SZT2: variants seen among roughly 807,000 people sequenced by gnomAD.
SZT2 encodes the protein KICSTOR complex protein SZT2.
In SZT2, 216 loss-of-function variants were observed where a neutral mutation model predicts 404.2. That is an observed-to-expected ratio of 0.53 (90% CI 0.48 to 0.60). The LOEUF (loss-of-function observed/expected upper bound fraction) is 0.60, where lower values mean the gene tolerates loss of function less well. SZT2 is among the 20% of genes least tolerant of loss of function. The pLI is 0.00. For missense variants in SZT2, 3,857 were observed against 4,459.2 expected, an observed-to-expected ratio of 0.86 and a Z score of 3.85; for synonymous variants, 1,693 against 1,749.9, an observed-to-expected ratio of 0.97 and a Z score of 0.81.
rs764913401 is a variant in SZT2 at position 43,451,366 on chromosome 1, G to A, written c.*886G>A. 6.2e-7 allele frequency: 1 copy of A among 1,612,156 alleles called. No homozygotes were observed. The highest frequency in any genetic ancestry group is 8.5e-7 in the Non-Finnish European group (1 of 1,180,002). On this transcript the variant is annotated 3_prime_UTR_variant, in exon 72 of 72. Transcript: ENST00000634258. ...AGCCCACAAGGAGAAAACAGCCCCT[G>A]TCCGGGTCCCTCCAGAGCTCCCTTC...
In SZT2 at chr1:43,427,590, C is replaced by T; in HGVS notation, c.3659C>T (p.Ala1220Val). Reference protein sequence around the residue: ...PPFRRDLQAYAGRQASQTESA... With the variant: ...PPFRRDLQAYVGRQASQTESA... ...TTCCGTCGAGACTTACAGGCTTACG[C>T]TGGGCGTCAGGCTTCCCAGACAGAG... Residue 1220 changes from alanine (A) to valine (V), a missense_variant, in exon 26 of 72, where the codon GCT becomes GTT. By Grantham distance (64) the Ala-to-Val change is moderately conservative. This residue lies in a region of SZT2 where 1,725 missense variants were observed against 1,881.0 expected (regional missense o/e 0.92). Transcript: ENST00000634258. The T allele has an allele frequency of 6.2e-7, 1 of 1,614,278 alleles. No individual in the cohort carries two copies. The highest frequency in any genetic ancestry group is 8.5e-7 in the Non-Finnish European group (1 of 1,180,050).
Position 43,451,651 on chromosome 1 carries a change from C to T in SZT2, c.*1171C>T. The T allele has an allele frequency of 6.2e-7, 1 of 1,614,160 alleles. No individual in the cohort carries two copies. The highest frequency in any genetic ancestry group is 8.5e-7 in the Non-Finnish European group (1 of 1,180,018). On this transcript the variant is annotated 3_prime_UTR_variant, in exon 72 of 72. Transcript: ENST00000634258. ...GGGCAAAGGAAGGTCCTCTCACCAA[C>T]AATGGGCAGGAACTCCCGGATGTTT... is the stretch of plus-strand genomic sequence containing the variant.
At chr1:43,414,986 C>T (rs772464567) in intron 4 of SZT2, 96 bp from the exon 5 acceptor site, 59 of 1,454,630 alleles carry the variant, frequency 4.1e-5, no homozygotes, top group Non-Finnish European at 4.7e-5. Context: ...AAGTCAGGAT[C>T]GCCTAGATGG....
At chr1:43,406,986 CAT>C (rs1172559620) in intron 4 of SZT2, 2 of 152,236 alleles carry the variant, frequency 1.3e-5, no homozygotes, top group Non-Finnish European at 2.9e-5. Context: ...AACAGGATCA[CAT>C]GTCTACATTG....
At position 43,454,085 on chromosome 1, in the gene SZT2, C is replaced by T. The variant is rs1656771188; in HGVS notation, c.*3605C>T. Reference sequence around the variant, plus strand: ...AGGCCGAGCTCCAGGGCCTGAGAGCCGGACGCGAAGCAAGAGAGAGCTGGC... The same window carrying T: ...AGGCCGAGCTCCAGGGCCTGAGAGCTGGACGCGAAGCAAGAGAGAGCTGGC... On this transcript the variant is annotated 3_prime_UTR_variant, in exon 72 of 72. Coordinates refer to ENST00000634258, the MANE Select transcript of SZT2 (RefSeq NM_001365999.1). The T allele has an allele frequency of 4.5e-6, 5 of 1,105,114 alleles. No individual in the cohort carries two copies. The highest frequency in any genetic ancestry group is 4.5e-5 in the South Asian group (1 of 22,348). 68.5% of individuals were successfully genotyped at this position (1,105,114 alleles called of 1,614,324 possible).
chr1:43,432,836 A>T (rs577453279), intron 39 of SZT2, 37 bp downstream of exon 39: 1 of 1,611,016 alleles, frequency 6.2e-7, no homozygotes, highest in South Asian at 1.1e-5. Flanking sequence ...CTCTAAGCTG[A>T]TGGGAGGTGG....
At chr1:43,440,626 C>T (rs1203052099) in intron 52 of SZT2, 40 bp downstream of exon 52, 2 of 1,522,074 alleles carry the variant, frequency 1.3e-6, no homozygotes, top group Non-Finnish European at 1.8e-6. Context: ...TACCTTTCTG[C>T]CTGCCTCCTA....
intron 4 of SZT2, chr1:43,409,603 A>C (rs550801465): frequency 8.7e-6 from 2 of 230,338 alleles, no homozygotes; most frequent in Non-Finnish European, 1.8e-5. Flanking sequence ...ACAGAAAATC[A>C]GTAGCATTTC....
Position 43,426,388 on chromosome 1 carries a change from G to A in SZT2, c.3064G>A (p.Ala1022Thr), listed in dbSNP as rs1021025044. Residue 1022 changes from alanine (A) to threonine (T), a missense_variant, in exon 22 of 72, where the codon GCC becomes ACC. Ala to Thr is a moderately conservative substitution (Grantham distance 58, BLOSUM62 0). Transcript: ENST00000634258. The surrounding 1 kb of genome is among the most constrained non-coding windows in gnomAD (Gnocchi z 4.9). Reference sequence around the variant, plus strand: ...GGCAGAGCCAGAGGGTGTCCCTTTCGCCGAGGGGTCCTGTCCTGCCAACGA... The same window carrying A: ...GGCAGAGCCAGAGGGTGTCCCTTTCACCGAGGGGTCCTGTCCTGCCAACGA... ...LAREPEGVPF[A>T]EGSCPANDMV... 29 of 1,569,856 alleles carry A rather than the reference G, an allele frequency of 1.8e-5. No individual in the cohort carries two copies. Among genetic ancestry groups the A allele is most frequent in the South Asian group, 4.6e-5 (4 of 87,690 alleles).
In SZT2 at chr1:43,428,239, G is replaced by A; in HGVS notation, c.3920-1G>A. ...CTCATGGCCCCTTCCACTTCCATCA[G>A]GGCTATTCCGCAGCTTGCAGCAAGC... On this transcript the variant is annotated splice_acceptor_variant, in intron 27 of 71. Coordinates refer to ENST00000634258, the MANE Select transcript of SZT2 (RefSeq NM_001365999.1). LOFTEE classifies it high-confidence loss of function. 1 of 1,614,188 alleles carries A rather than the reference G, an allele frequency of 6.2e-7. No individual in the cohort carries two copies. The highest frequency in any genetic ancestry group is 8.5e-7 in the Non-Finnish European group (1 of 1,180,030).
Position 43,453,667 on chromosome 1 carries a change from C to A in SZT2, c.*3187C>A. 6.8e-7 allele frequency: 1 copy of A among 1,481,372 alleles called. No homozygotes were observed. The highest frequency in any genetic ancestry group is 1.3e-5 in the South Asian group (1 of 77,722). The allele number at this position is 1,481,372 out of a possible 1,614,324, so 91.8% of individuals were successfully genotyped here. A position where few individuals can be genotyped will look rare whatever the true frequency, so the allele number is the denominator to read the frequency against. ...GCGCGCGCCAGCGCCTCAGGCGTCT[C>A]CGCGTACGGCCAGGCCACCTCGACG... On this transcript the variant is annotated 3_prime_UTR_variant, in exon 72 of 72. Coordinates refer to ENST00000634258, the MANE Select transcript of SZT2 (RefSeq NM_001365999.1).
At chr1:43,404,575 G>C (rs1557514582) in intron 4 of SZT2, 25 bp downstream of exon 4, 1 of 1,601,462 alleles carries the variant, frequency 6.2e-7, no homozygotes, top group Non-Finnish European at 8.5e-7. Flanking sequence ...CTCCAAGTTT[G>C]TACCCTCAGA....
intron 40 of SZT2, among the ~76,000 whole-genome samples, chr1:43,433,655 G>T (rs142798180): frequency 0.021 from 3,207 of 152,238 alleles, 117 homozygotes; most frequent in African/African-American, 0.073. Context: ...GGTGGCAGGC[G>T]CCTGTAGTCC....
At position 43,395,040 on chromosome 1, in the gene SZT2, T is replaced by C. The variant is rs1486256954; in HGVS notation, c.27+5045T>C. Among the ~76,000 whole-genome samples the C allele has an allele frequency of 6.6e-5, 10 of 152,214 alleles. 1 individual carries two copies. Among genetic ancestry groups the C allele is most frequent in the Admixed American group, 6.5e-4 (10 of 15,280 alleles). The stretch of plus-strand genomic sequence containing the variant: ...AACTGATTGATGAGCTAGACTTCAT[T>C]GTGCCTTTGGAGAGTCAGTCCATCA... On this transcript the variant is annotated intron_variant, in intron 1 of 71. Transcript: ENST00000634258.
chr1:43,441,412 G>T lies in SZT2; in HGVS notation c.7511+32G>T. On this transcript the variant is annotated intron_variant, in intron 53 of 71. Coordinates refer to ENST00000634258, the MANE Select transcript of SZT2 (RefSeq NM_001365999.1). The surrounding 1 kb of genome is among the most constrained non-coding windows in gnomAD (Gnocchi z 4.8). ...GTGTGGTGGTGGTGTGCCCTGGGAGGGTATGGGTGTGAAGTCACAGATGGG... is the reference window on the plus strand; with the variant it reads ...GTGTGGTGGTGGTGTGCCCTGGGAGTGTATGGGTGTGAAGTCACAGATGGG... 6.2e-7 allele frequency: 1 copy of T among 1,612,440 alleles called. No homozygotes were observed. The highest frequency in any genetic ancestry group is 1.7e-5 in the Admixed American group (1 of 59,954).
rs753322092 is a variant in SZT2, at chr1:43,431,089, C to T, written c.4915C>T (p.Arg1639Trp). Residue 1639 changes from arginine (R) to tryptophan (W), a missense_variant and splice_region_variant, in exon 33 of 72, where the codon CGG becomes TGG. Physicochemically the swap from Arg to Trp is moderately radical, Grantham distance 101. Transcript: ENST00000634258. ...CACGGCCTCGGACCCTCAGCACCAC[C>T]GGTGTGGCAGCAAGTTTGGTGGGGG... ...LPTASDPQHH[R>W]STSESSASFP... The T allele has an allele frequency of 2.9e-5, 46 of 1,611,834 alleles. No homozygotes were observed. Among genetic ancestry groups the T allele is most frequent in the Non-Finnish European group, 3.7e-5 (44 of 1,179,334 alleles).
At chr1:43,416,453 C>G (rs1651732826) in intron 6 of SZT2, 82 bp from the exon 7 acceptor site, 1 of 1,174,282 alleles carries the variant, frequency 8.5e-7, no homozygotes. Flanking sequence ...CTGAGCCGTT[C>G]AGGACCCTGT....
intron 41 of SZT2, 27 bp downstream of exon 41, chr1:43,434,512 G>T (rs1426333980): frequency 1.3e-6 from 2 of 1,559,226 alleles, no homozygotes; most frequent in South Asian, 2.3e-5. Context: ...TCCAGACCCG[G>T]ACACACAGAG....
intron 1 of SZT2, among the ~76,000 whole-genome samples, chr1:43,400,955 T>G (rs1649610636): frequency 6.6e-6 from 1 of 152,050 alleles, no homozygotes; most frequent in African/African-American, 2.4e-5. Flanking sequence ...AGGGTCTCGC[T>G]CTGTTGCTCA....
Sources: gnomAD v4.1 joint callset for allele counts (sites outside exome capture counted in the v4.1 genomes callset) on GRCh38, gnomAD v4.1.1 for gene constraint, gnomAD v4.1.1 regional missense constraint, Gnocchi (gnomAD v3.1) non-coding constraint, MANE v1.5 for transcripts, NCBI Gene and HGNC (gene_info 2026-07-23, HGNC 2026-07-21) for gene names.